Variants in CNTNAP5 observed in about 807,000 individuals in gnomAD.
The protein encoded by CNTNAP5 is contactin-associated protein-like 5.
CNTNAP5 carries 72 observed loss-of-function variants against 150.2 expected under a neutral mutation model. The observed-to-expected ratio is 0.48, with a 90% CI of 0.40 to 0.58. The LOEUF is 0.58. CNTNAP5 is among the 20% of genes least tolerant of loss of function. The pLI is 0.00. For missense variants in CNTNAP5, 1,636 were observed against 1,626.2 expected, an observed-to-expected ratio of 1.01 and a Z score of -0.10; for synonymous variants, 672 against 619.8, an observed-to-expected ratio of 1.08 and a Z score of -1.25.
intron 13 of CNTNAP5, among the ~76,000 whole-genome samples, chr2:124,713,524 C>T (rs1300576148): frequency 6.6e-6 from 1 of 151,290 alleles, no homozygotes; most frequent in Non-Finnish European, 1.5e-5. Context: ...ATTACAAGTG[C>T]ATCACCAGGC....
chr2:124,040,152 T>A (rs1391391544), intron 1 of CNTNAP5, among the ~76,000 whole-genome samples: 1 of 152,160 alleles, frequency 6.6e-6, no homozygotes, highest in Non-Finnish European at 1.5e-5. Flanking sequence ...TGTTTCAGGG[T>A]GGCGTTCAAT....
chr2:124,833,879 A>T (rs1454068559), intron 19 of CNTNAP5, among the ~76,000 whole-genome samples: 3 of 151,930 alleles, frequency 2.0e-5, no homozygotes, highest in Non-Finnish European at 4.4e-5. Context: ...GGTGGGGGGC[A>T]TGTGCCCTGT....
At chr2:124,245,501 A>T (rs1553451253) in intron 3 of CNTNAP5, among the ~76,000 whole-genome samples, 2 of 152,074 alleles carry the variant, frequency 1.3e-5, no homozygotes, top group Non-Finnish European at 2.9e-5. Flanking sequence ...TTAACTTTTC[A>T]GAAAAAGTCA....
intron 3 of CNTNAP5, among the ~76,000 whole-genome samples, chr2:124,309,394 G>A (rs1026828635): frequency 6.6e-6 from 1 of 152,172 alleles, no homozygotes; most frequent in Non-Finnish European, 1.5e-5. Flanking sequence ...AAGTAATATT[G>A]AGGGTAAAAT....
intron 3 of CNTNAP5, among the ~76,000 whole-genome samples, chr2:124,386,090 T>C (rs1453375448): frequency 2.0e-5 from 3 of 152,180 alleles, no homozygotes; most frequent in Non-Finnish European, 4.4e-5. Context: ...TTCATTGAGC[T>C]GCATTTCCTG....
intron 1 of CNTNAP5, among the ~76,000 whole-genome samples, chr2:124,027,441 T>A (rs1680925822): frequency 6.6e-6 from 1 of 152,194 alleles, no homozygotes; most frequent in South Asian, 2.1e-4. Context: ...GGGTGAGAGA[T>A]AAGGATAAAA....
rs1678442045 is a variant in CNTNAP5 at position 124,902,879 on chromosome 2, C to T, written c.3437-3C>T. On this transcript the variant is annotated splice_region_variant and splice_polypyrimidine_tract_variant and intron_variant, in intron 21 of 23. Transcript: ENST00000682447. ...GGACTTCTGATTATCTTTTACATTG[C>T]AGAGAATCTTGGTTTGGATTCTGAA... 1 of 1,598,962 alleles carries T rather than the reference C, an allele frequency of 6.3e-7. No individual in the cohort carries two copies. The highest frequency in any genetic ancestry group is 1.3e-5 in the African/African-American group (1 of 74,612).
chr2:124,268,302 C>T (rs996147617), intron 3 of CNTNAP5, among the ~76,000 whole-genome samples: 3 of 152,078 alleles, frequency 2.0e-5, no homozygotes, highest in Non-Finnish European at 4.4e-5. Context: ...CTTTGAGTGT[C>T]GATTTGTAAA....
chr2:124,225,630 G>T (rs1204227089), intron 2 of CNTNAP5, among the ~76,000 whole-genome samples: 1 of 152,010 alleles, frequency 6.6e-6, no homozygotes, highest in Non-Finnish European at 1.5e-5. Flanking sequence ...TCTTTGTTTT[G>T]TAGTGAGAAC....
intron 4 of CNTNAP5, among the ~76,000 whole-genome samples, chr2:124,434,263 G>A (rs1287440649): frequency 6.6e-6 from 1 of 152,154 alleles, no homozygotes; most frequent in African/African-American, 2.4e-5. Context: ...CTAAACTAAT[G>A]ATCAGTTCAC....
intron 16 of CNTNAP5, among the ~76,000 whole-genome samples, chr2:124,768,962 C>A (rs952074264): frequency 2.0e-5 from 3 of 152,116 alleles, no homozygotes; most frequent in African/African-American, 7.2e-5. Flanking sequence ...GTTCATATTT[C>A]TCATTTTACA....
At chr2:124,517,696 G>A (rs1269182985) in intron 8 of CNTNAP5, among the ~76,000 whole-genome samples, 1 of 141,006 alleles carries the variant, frequency 7.1e-6, no homozygotes. Context: ...TTGTGATGGA[G>A]GGTTGTGGTG....
In CNTNAP5 at chr2:124,287,469, T is replaced by C. The variant is rs558013819; in HGVS notation, c.381+45076T>C. ...CATTGTCCCCTCTCTCAATTTATAC[T>C]GATGATGACTGCCTTGTTTATTTAT... On this transcript the variant is annotated intron_variant, in intron 3 of 23. Coordinates refer to ENST00000682447, the MANE Select transcript of CNTNAP5 (RefSeq NM_001367498.1). Among the ~76,000 whole-genome samples, 5 of 152,368 alleles carry C rather than the reference T, an allele frequency of 3.3e-5. No homozygotes were observed. In the South Asian group the frequency reaches 1.0e-3, roughly 32 times the overall value.
chr2:124,222,016 A>C (rs536652343), intron 2 of CNTNAP5, among the ~76,000 whole-genome samples: 11 of 152,262 alleles, frequency 7.2e-5, no homozygotes, highest in African/African-American at 2.2e-4. Flanking sequence ...TGTTCACCCA[A>C]ATCACAGTAT....
At chr2:124,202,687 A>T (rs1685757976) in intron 1 of CNTNAP5, among the ~76,000 whole-genome samples, 1 of 152,220 alleles carries the variant, frequency 6.6e-6, no homozygotes, top group African/African-American at 2.4e-5. Flanking sequence ...AGGAGTAAAG[A>T]CATGTCTTAC....
intron 3 of CNTNAP5, among the ~76,000 whole-genome samples, chr2:124,373,742 G>A (rs868497257): frequency 5.3e-5 from 8 of 152,000 alleles, no homozygotes; most frequent in African/African-American, 1.9e-4. Context: ...GCTGGGTGGT[G>A]ATTATAAATG....
intron 3 of CNTNAP5, among the ~76,000 whole-genome samples, chr2:124,408,076 G>A (rs940210709): frequency 4.4e-4 from 67 of 151,222 alleles, no homozygotes; most frequent in African/African-American, 1.4e-3. Flanking sequence ...CTTGGGAAGC[G>A]CAAGGGGTCA....
rs1457476746 is a variant in CNTNAP5 at position 124,609,999 on chromosome 2, A to C, written c.1876+79A>C. On this transcript the variant is annotated intron_variant, in intron 12 of 23. Coordinates refer to ENST00000682447, the MANE Select transcript of CNTNAP5 (RefSeq NM_001367498.1). The stretch of plus-strand genomic sequence containing the variant: ...GCAAAAATAAATTCACTGGAGGGGG[A>C]TACCTACGTGAATAAAAATTTGAAA... 6 of 1,468,718 alleles carry C rather than the reference A, an allele frequency of 4.1e-6. No individual in the cohort carries two copies. The African/African-American group carries it at 7.0e-5, about 17-fold the overall frequency. The allele number at this position is 1,468,718 out of a possible 1,614,324, so 91.0% of individuals were successfully genotyped here.
At chr2:124,911,193 T>G (rs929370268) in intron 22 of CNTNAP5, among the ~76,000 whole-genome samples, 4 of 152,028 alleles carry the variant, frequency 2.6e-5, no homozygotes, top group Admixed American at 2.6e-4. Flanking sequence ...GGTGAGGGCA[T>G]GTGGACAGGA....
Sources: allele counts gnomAD v4.1 joint callset (sites outside exome capture counted in the v4.1 genomes callset), GRCh38; gene constraint gnomAD v4.1.1; transcripts MANE v1.5; gene names NCBI Gene and HGNC (gene_info 2026-07-23, HGNC 2026-07-21).